CACNA1H: variants seen among roughly 807,000 people sequenced by gnomAD.
CACNA1H encodes calcium voltage-gated channel subunit alpha1 H.
CACNA1H carries 149 observed loss-of-function variants against 192.5 expected under a neutral mutation model. The observed-to-expected ratio is 0.77, with a 90% CI of 0.68 to 0.89. The LOEUF is 0.89. Ranked by LOEUF, CACNA1H falls within the 40% of genes least tolerant of loss-of-function variation. CACNA1H has a pLI of 0.00. For synonymous variants in CACNA1H, 2,202 were observed against 1,475.2 expected, an observed-to-expected ratio of 1.49 and a Z score of -11.29; for missense variants, 4,257 against 3,423.5, an observed-to-expected ratio of 1.24 and a Z score of -6.08.
At chr16:1,153,559 TGGAG>T (rs1444803923) in intron 1 of CACNA1H, 89 bp downstream of exon 1, 12 of 205,564 alleles carry the variant, frequency 5.8e-5, no homozygotes, top group Non-Finnish European at 7.7e-5. Context: ...GTGGGGCCGC[TGGAG>T]GGAGGGAGGG....
In CACNA1H at chr16:1,194,996, G is replaced by A. The variant is rs769599169; in HGVS notation, c.324G>A (p.Leu108=). The A allele has an allele frequency of 6.2e-7, 1 of 1,611,748 alleles. No homozygotes were observed. The highest frequency in any genetic ancestry group is 8.5e-7 in the Non-Finnish European group (1 of 1,178,986). The change falls in exon 3 of 35, where the codon CTG becomes CTA. Residue 108 remains leucine, a synonymous_variant. Transcript: ENST00000348261. ...CNPWFEHVSM[L]VIMLNCVTLG... is the part of the protein sequence containing the mutation. ...CATGGTTCGAGCACGTGAGCATGCT[G>A]GTAATCATGCTCAACTGCGTGACCC...
Position 1,207,124 on chromosome 16 carries a change from G to GC in CACNA1H, c.2907+9dup. On this transcript the variant is annotated splice_region_variant and intron_variant, in intron 13 of 34. Coordinates refer to ENST00000348261, the MANE Select transcript of CACNA1H (RefSeq NM_021098.3). ...CCATCGTCACCGTGTTCCAGGTAGT[G>GC]CCCGGGGTCCCCGCAGCAGTGTTGG... 1 of 1,579,540 alleles carries GC rather than the reference G, an allele frequency of 6.3e-7. No homozygotes were observed. The highest frequency in any genetic ancestry group is 8.6e-7 in the Non-Finnish European group (1 of 1,161,968).
At chr16:1,215,124 G>T in intron 28 of CACNA1H, 43 bp downstream of exon 28, 1 of 1,588,360 alleles carries the variant, frequency 6.3e-7, no homozygotes, top group South Asian at 1.1e-5. Flanking sequence ...GGCCCCTCAG[G>T]GCTCTGGGGG....
intron 2 of CACNA1H, chr16:1,160,259 G>A (rs147757817): frequency 2.0e-5 from 3 of 152,392 alleles, no homozygotes; most frequent in African/African-American, 7.2e-5. Flanking sequence ...CGGAAGAGGA[G>A]TCTCTCCTCA....
intron 2 of CACNA1H, among the ~76,000 whole-genome samples, chr16:1,156,621 G>A (rs903903556): frequency 2.6e-5 from 4 of 152,138 alleles, no homozygotes; most frequent in Admixed American, 6.5e-5. Flanking sequence ...CCCTCCCTCC[G>A]CAGGGCCCCG....
intron 2 of CACNA1H, among the ~76,000 whole-genome samples, chr16:1,192,549 G>A (rs936063602): frequency 6.6e-6 from 1 of 152,260 alleles, no homozygotes; most frequent in African/African-American, 2.4e-5. Context: ...CTCAGTGCCA[G>A]GAAGGCCATG....
chr16:1,201,962 G>A lies in CACNA1H; in HGVS notation c.1512G>A (p.Gln504=). Residue 504 remains glutamine (Q), a synonymous_variant, in exon 9 of 35, where the codon CAG becomes CAA. Coordinates refer to ENST00000348261, the MANE Select transcript of CACNA1H (RefSeq NM_021098.3). ...AAGGCCAGGGTCCCGGGCACCGCCA[G>A]CGCCGGGCAGGCAGGCACACAGCCT... ...AVQGQGPGHR[Q]RRAGRHTASV... 1 of 1,545,110 alleles carries A rather than the reference G, an allele frequency of 6.5e-7. No individual in the cohort carries two copies. The highest frequency in any genetic ancestry group is 8.7e-7 in the Non-Finnish European group (1 of 1,144,536).
chr16:1,202,207 A>G lies in CACNA1H; in HGVS notation c.1757A>G (p.Gln586Arg). The change falls in exon 9 of 35, where the codon CAG (glutamine) becomes CGG (arginine). Residue 586 changes from glutamine to arginine, a missense_variant. Gln to Arg is a conservative substitution (Grantham distance 43). Transcript: ENST00000348261. ...GCCGACTGCCACATAGAGGGGCCGC[A>G]GGAGAGGGCCCGGGTGGCACATGCC... ...YHADCHIEGP[Q>R]ERARVAHAAA... The G allele has an allele frequency of 6.4e-7, 1 of 1,553,496 alleles. No homozygotes were observed. The highest frequency in any genetic ancestry group is 1.4e-5 in the African/African-American group (1 of 73,254).
intron 5 of CACNA1H, among the ~76,000 whole-genome samples, chr16:1,197,900 C>T (rs944489257): frequency 2.6e-5 from 4 of 152,174 alleles, no homozygotes; most frequent in East Asian, 1.9e-4. Context: ...TGGGGCTTGG[C>T]TGACCCACTT....
chr16:1,211,384 G>A (rs1969428924), intron 22 of CACNA1H, 90 bp downstream of exon 22: 46 of 1,605,886 alleles, frequency 2.9e-5, no homozygotes, highest in Admixed American at 8.4e-5. Context: ...GCTGCGGGAC[G>A]GGGAGGGACA....
rs369048631 is a variant in CACNA1H at position 1,220,292 on chromosome 16, C to T, written c.6360C>T (p.Pro2120=). Residue 2120 remains proline (P), a synonymous_variant, in exon 35 of 35, where the codon CCC becomes CCT. Transcript: ENST00000348261. The stretch of plus-strand genomic sequence containing the variant: ...AGCCCACAGCCGAGCCCCATGGCCC[C>T]GAAGCCTCTCCGGTGGCCGGCGGCG... ...PWQPTAEPHG[P]EASPVAGGER... is the part of the protein sequence containing the mutation. 3.7e-5 allele frequency: 59 copies of T among 1,577,374 alleles called. No individual in the cohort carries two copies. Among genetic ancestry groups the T allele is most frequent in the Admixed American group, 1.4e-4 (8 of 56,692 alleles).
rs531407431 is a variant in CACNA1H at position 1,208,634 on chromosome 16, C to A, written c.3364-398C>A. 2.6e-5 allele frequency among the ~76,000 whole-genome samples: 4 copies of A among 152,298 alleles called. No homozygotes were observed. The South Asian group carries it at 8.3e-4, about 32-fold the overall frequency. On this transcript the variant is annotated intron_variant, in intron 16 of 34. Coordinates refer to ENST00000348261, the MANE Select transcript of CACNA1H (RefSeq NM_021098.3). ...TGGAGGGGAGCAGTTTTGAAACGAA[C>A]TCCAGGCAGTACCACCCACAACAGA...
chr16:1,215,675 C>G (rs1969966830), intron 30 of CACNA1H, 82 bp downstream of exon 30: 3 of 1,113,552 alleles, frequency 2.7e-6, no homozygotes, highest in Admixed American at 2.0e-5. Context: ...CCCTCTCCCC[C>G]TCACTCGTTT....
intron 2 of CACNA1H, among the ~76,000 whole-genome samples, chr16:1,190,116 C>G (rs1474123984): frequency 1.3e-5 from 2 of 152,182 alleles, no homozygotes; most frequent in Admixed American, 6.5e-5. Context: ...GACCCCGTAG[C>G]CAAGACCACC....
At chr16:1,158,785 C>T (rs1199060524) in intron 2 of CACNA1H, among the ~76,000 whole-genome samples, 1 of 151,986 alleles carries the variant, frequency 6.6e-6, no homozygotes, top group East Asian at 1.9e-4. Context: ...CACAACCGCT[C>T]CTGCCCCGCC....
rs28365117 is a variant in CACNA1H, at chr16:1,204,361, A to T, written c.2354A>T (p.Lys785Met). 5,986 of 1,576,242 alleles carry T rather than the reference A, an allele frequency of 3.8e-3. 23 individuals carry two copies. The highest frequency in any genetic ancestry group is 4.3e-3 in the Non-Finnish European group (4,953 of 1,161,914). ...MGRLWVTFSG[K>M]LRRIVDSKYF... is the part of the protein sequence containing the mutation. ...CGCCTCTGGGTTACCTTCAGCGGCAAGCTGCGCCGCATCGTGGACAGCAAG... is the reference window on the plus strand; with the variant it reads ...CGCCTCTGGGTTACCTTCAGCGGCATGCTGCGCCGCATCGTGGACAGCAAG... Residue 785 changes from lysine (K) to methionine (M), a missense_variant, in exon 10 of 35, where the codon AAG becomes ATG. Physicochemically the swap from Lys to Met is moderately conservative, Grantham distance 95. Coordinates refer to ENST00000348261, the MANE Select transcript of CACNA1H (RefSeq NM_021098.3).
At position 1,183,747 on chromosome 16, in the gene CACNA1H, C is replaced by T. The variant is rs891198485; in HGVS notation, c.300-11225C>T. ...GGCTGGGGGGCGGCCCTGGGGGGAG[C>T]GTGCAAGAGCACATGCGTATACACG... On this transcript the variant is annotated intron_variant, in intron 2 of 34. Coordinates refer to ENST00000348261, the MANE Select transcript of CACNA1H (RefSeq NM_021098.3). Among the ~76,000 whole-genome samples, 23 of 152,368 alleles carry T rather than the reference C, an allele frequency of 1.5e-4. No individual in the cohort carries two copies. The East Asian group carries it at 1.7e-3, about 11-fold the overall frequency.
In CACNA1H at chr16:1,220,403, G is replaced by T. The variant is rs554496815; in HGVS notation, c.6471G>T (p.Ser2157=). Residue 2157 remains serine, a synonymous_variant, in exon 35 of 35, where the codon TCG becomes TCT. Coordinates refer to ENST00000348261, the MANE Select transcript of CACNA1H (RefSeq NM_021098.3). ...PGRADEQWRP[S]AELGSGEPGE... The stretch of plus-strand genomic sequence containing the variant: ...GGGCAGACGAGCAGTGGCGGCCCTC[G>T]GCGGAGCTGGGCAGCGGGGAGCCTG... The T allele has an allele frequency of 2.1e-5, 32 of 1,523,006 alleles. No homozygotes were observed. Among genetic ancestry groups the T allele is most frequent in the Non-Finnish European group, 2.8e-5 (32 of 1,144,402 alleles). The allele number at this position is 1,523,006 out of a possible 1,614,324, so 94.3% of individuals were successfully genotyped here.
At chr16:1,171,635 C>T (rs933475542) in intron 2 of CACNA1H, among the ~76,000 whole-genome samples, 4 of 152,194 alleles carry the variant, frequency 2.6e-5, no homozygotes, top group African/African-American at 7.2e-5. Context: ...CCCTCATTTC[C>T]AGTTTGCCAA....
Sources: allele counts gnomAD v4.1 joint callset (sites outside exome capture counted in the v4.1 genomes callset), GRCh38; gene constraint gnomAD v4.1.1; transcripts MANE v1.5; gene names NCBI Gene and HGNC (gene_info 2026-07-23, HGNC 2026-07-21).